The following VGLL4 variants were observed in gnomAD, a reference collection of about 807,000 sequenced individuals.
VGLL4 encodes the protein vestigial like family member 4.
Under a neutral mutation model 21.0 loss-of-function variants are expected in VGLL4, and 7 were observed. The observed-to-expected ratio is 0.33, with a 90% CI of 0.19 to 0.63. VGLL4 has a LOEUF of 0.63. VGLL4 is among the 20% of genes least tolerant of loss of function. The pLI is 0.78. For synonymous variants in VGLL4, 222 were observed against 173.2 expected (o/e 1.28, Z -2.21); for missense variants, 394 against 425.7 (o/e 0.93, Z 0.66).
intron 2 of VGLL4, among the ~76,000 whole-genome samples, chr3:11,680,269 CAGGAGTATCCCTG>C (rs139098898): frequency 0.026 from 3,981 of 152,300 alleles, 63 homozygotes; most frequent in South Asian, 0.045. Context: ...GACGCATTCT[CAGGAGTATCCCTG>C]CTATGCAAAG....
At chr3:11,711,058 C>A (rs1262333400) in intron 1 of VGLL4, among the ~76,000 whole-genome samples, 3 of 150,292 alleles carry the variant, frequency 2.0e-5, no homozygotes, top group African/African-American at 7.4e-5. Context: ...TGAGATCGCA[C>A]CATAGCACTC....
At chr3:11,685,746 GACA>G (rs2076438076) in intron 2 of VGLL4, among the ~76,000 whole-genome samples, 2 of 152,080 alleles carry the variant, frequency 1.3e-5, no homozygotes. Context: ...ACAACAGAAA[GACA>G]ACAACTCAAC....
intron 1 of VGLL4, among the ~76,000 whole-genome samples, chr3:11,709,682 A>G (rs1358540616): frequency 2.0e-5 from 3 of 152,184 alleles, no homozygotes; most frequent in Admixed American, 6.5e-5. Flanking sequence ...TGTTCTTCCA[A>G]ATAACTAAAG....
In VGLL4 at chr3:11,563,266, G is replaced by A. The variant is rs2125121843; in HGVS notation, c.495+1531C>T. Among the ~76,000 whole-genome samples, 2 of 152,300 alleles carry A rather than the reference G, an allele frequency of 1.3e-5. 1 individual carries two copies. Among genetic ancestry groups the A allele is most frequent in the African/African-American group, 4.8e-5 (2 of 41,556 alleles). On this transcript the variant is annotated intron_variant, in intron 3 of 4. Transcript: ENST00000430365. ...TCCCCTCCATACCCGTGTCCTTCAGGGACTCCCCAACAGCAGTGGCAATGG... is the reference window on the plus strand; with the variant it reads ...TCCCCTCCATACCCGTGTCCTTCAGAGACTCCCCAACAGCAGTGGCAATGG...
intron 2 of VGLL4, among the ~76,000 whole-genome samples, chr3:11,656,638 C>T (rs1409577914): frequency 6.6e-6 from 1 of 152,070 alleles, no homozygotes; most frequent in Non-Finnish European, 1.5e-5. Context: ...GTCGCATTCT[C>T]GAGGGGAGGG....
intron 3 of VGLL4, among the ~76,000 whole-genome samples, chr3:11,561,759 A>G (rs2073027602): frequency 6.6e-6 from 1 of 151,988 alleles, no homozygotes. Flanking sequence ...GGCCAGTATG[A>G]GCCCTGTCAC....
At chr3:11,684,219 G>A (rs1484892535) in intron 2 of VGLL4, among the ~76,000 whole-genome samples, 1 of 151,984 alleles carries the variant, frequency 6.6e-6, no homozygotes, top group African/African-American at 2.4e-5. Context: ...AAAGAAAAAG[G>A]AAGGACTTCC....
chr3:11,560,651 G>A (rs2072896557), intron 3 of VGLL4, among the ~76,000 whole-genome samples: 1 of 152,202 alleles, frequency 6.6e-6, no homozygotes, highest in Non-Finnish European at 1.5e-5. Flanking sequence ...ACAAGGACCT[G>A]TGCTTGGGTC....
chr3:11,688,664 A>G (rs1220194561), intron 2 of VGLL4, among the ~76,000 whole-genome samples: 1 of 149,812 alleles, frequency 6.7e-6, no homozygotes, highest in East Asian at 2.0e-4. Context: ...TTTAGAAAAC[A>G]GTTTTTGGTT....
intron 2 of VGLL4, among the ~76,000 whole-genome samples, chr3:11,573,794 G>C (rs1223880604): frequency 6.6e-6 from 1 of 152,184 alleles, no homozygotes; most frequent in African/African-American, 2.4e-5. Context: ...CCCCTGAAAA[G>C]ACATTGAAGT....
intron 1 of VGLL4, among the ~76,000 whole-genome samples, chr3:11,608,664 C>G (rs1178903865): frequency 2.0e-5 from 3 of 152,138 alleles, no homozygotes; most frequent in Non-Finnish European, 4.4e-5. Context: ...AAATGTAACC[C>G]CACTGTAATC....
chr3:11,568,902 C>T lies in VGLL4; in HGVS notation c.273-3883G>A, dbSNP rs1407902626. On this transcript the variant is annotated intron_variant, in intron 2 of 4. Coordinates refer to ENST00000430365, the MANE Select transcript of VGLL4 (RefSeq NM_001128219.3). The surrounding 1 kb of genome is among the most constrained non-coding windows in gnomAD (Gnocchi z 5.9). ...CGGCACCCGGCCCCGCCCCGGGCCT[C>T]ATCCCCATCCTAGGCGGGCACTTCC... The T allele has an allele frequency of 1.5e-6, 2 of 1,299,504 alleles. No individual in the cohort carries two copies. Among genetic ancestry groups the T allele is most frequent in the Non-Finnish European group, 2.0e-6 (2 of 1,019,784 alleles). 80.5% of individuals were successfully genotyped at this position (1,299,504 alleles called of 1,614,324 possible). A position where few individuals can be genotyped will look rare whatever the true frequency, so the allele number is the denominator to read the frequency against.
At chr3:11,627,787 T>A (rs1415640736) in intron 1 of VGLL4, among the ~76,000 whole-genome samples, 1 of 152,158 alleles carries the variant, frequency 6.6e-6, no homozygotes, top group Non-Finnish European at 1.5e-5. Context: ...AAATGTATAT[T>A]ACAGACTATA....
Sources: gnomAD v4.1 joint callset for allele counts (sites outside exome capture counted in the v4.1 genomes callset) on GRCh38, gnomAD v4.1.1 for gene constraint, Gnocchi (gnomAD v3.1) non-coding constraint, MANE v1.5 for transcripts, NCBI Gene and HGNC (gene_info 2026-07-23, HGNC 2026-07-21) for gene names.